PTPRD: variants seen among roughly 807,000 people sequenced by gnomAD.
PTPRD encodes the protein protein tyrosine phosphatase receptor type D.
A neutral mutation model predicts 214.5 loss-of-function variants in PTPRD; 34 were observed. That is an observed-to-expected ratio of 0.16 (90% CI 0.12 to 0.21). PTPRD has a LOEUF of 0.21. Among genes scored for constraint, PTPRD ranks in the 10% least tolerant of loss-of-function variants. PTPRD has a pLI of 1.00. For synonymous variants in PTPRD, 1,128 were observed against 845.7 expected (o/e 1.33, Z -5.79); for missense variants, 2,545 against 2,398.7 (o/e 1.06, Z -1.27).
intron 11 of PTPRD, among the ~76,000 whole-genome samples, chr9:8,804,298 A>T (rs1452443710): frequency 6.6e-6 from 1 of 151,888 alleles, no homozygotes; most frequent in Non-Finnish European, 1.5e-5. Context: ...TTTAAAACAA[A>T]CTATCCTTAT....
At chr9:10,154,441 T>G (rs1013179759) in intron 3 of PTPRD, among the ~76,000 whole-genome samples, 9 of 152,192 alleles carry the variant, frequency 5.9e-5, no homozygotes, top group African/African-American at 2.2e-4. Flanking sequence ...TAGTTTCTTT[T>G]GTTGTGCAGA....
intron 11 of PTPRD, among the ~76,000 whole-genome samples, chr9:8,775,752 G>A (rs895126075): frequency 6.6e-6 from 1 of 151,954 alleles, no homozygotes; most frequent in Non-Finnish European, 1.5e-5. Context: ...GGGAGGCCAA[G>A]GCAGGAGGAT....
chr9:8,831,606 A>C (rs1430655153), intron 11 of PTPRD, among the ~76,000 whole-genome samples: 1 of 152,186 alleles, frequency 6.6e-6, no homozygotes, highest in Non-Finnish European at 1.5e-5. Context: ...CTTTCCTACA[A>C]ATGTATAATA....
chr9:8,437,093 G>C (rs2095381882), intron 34 of PTPRD: 1 of 787,134 alleles, frequency 1.3e-6, no homozygotes, highest in Non-Finnish European at 2.0e-6. Context: ...ATTAAATGGT[G>C]TAAAGTGAAA....
At chr9:10,497,436 G>A (rs1027162541) in intron 2 of PTPRD, among the ~76,000 whole-genome samples, 2 of 151,900 alleles carry the variant, frequency 1.3e-5, no homozygotes, top group African/African-American at 4.8e-5. Flanking sequence ...TTAATACATT[G>A]TTTGGTACAC....
intron 8 of PTPRD, among the ~76,000 whole-genome samples, chr9:9,460,866 T>C (rs2093593957): frequency 1.3e-5 from 2 of 152,122 alleles, no homozygotes; most frequent in Non-Finnish European, 2.9e-5. Context: ...AAATGATACC[T>C]GCACTCTTAC....
intron 5 of PTPRD, among the ~76,000 whole-genome samples, chr9:9,886,660 GGACTTCA>G (rs2071049810): frequency 6.6e-6 from 1 of 152,138 alleles, no homozygotes; most frequent in Admixed American, 6.6e-5. Context: ...GGCAGGAATG[GGACTTCA>G]TTGTACTACA....
chr9:8,991,124 C>T (rs548408246), intron 11 of PTPRD, among the ~76,000 whole-genome samples: 2 of 150,456 alleles, frequency 1.3e-5, no homozygotes, highest in East Asian at 2.0e-4. Flanking sequence ...GAGGCTGAGG[C>T]AGGAGAATCA....
In PTPRD at chr9:10,558,377, T is replaced by C. The variant is rs368348524; in HGVS notation, c.-600+54021A>G. 8.5e-4 allele frequency among the ~76,000 whole-genome samples: 130 copies of C among 152,268 alleles called. 2 individuals carry two copies. Among genetic ancestry groups the C allele is most frequent in the African/African-American group, 3.1e-3 (127 of 41,546 alleles). On this transcript the variant is annotated intron_variant, in intron 2 of 45. Transcript: ENST00000381196. ...AAAAGTTTCAGAGTCCTGGTAAAAG[T>C]AATTTGACTTTAAGATTCTTGATAA...
intron 6 of PTPRD, among the ~76,000 whole-genome samples, chr9:9,750,463 A>C (rs189627440): frequency 6.6e-6 from 1 of 152,186 alleles, no homozygotes; most frequent in East Asian, 1.9e-4. Flanking sequence ...CATGATCCAA[A>C]ACTTCTCCTC....
At chr9:8,366,173 T>C (rs2079823870) in intron 39 of PTPRD, among the ~76,000 whole-genome samples, 1 of 152,196 alleles carries the variant, frequency 6.6e-6, no homozygotes, top group South Asian at 2.1e-4. Context: ...ATTCTCATCA[T>C]CCTCTCCCTT....
At chr9:10,252,046 G>C (rs953250933) in intron 3 of PTPRD, among the ~76,000 whole-genome samples, 1 of 152,050 alleles carries the variant, frequency 6.6e-6, no homozygotes, top group African/African-American at 2.4e-5. Flanking sequence ...AGCCTGATTT[G>C]CTCATTCTAC....
In PTPRD at chr9:10,568,292, G is replaced by A. The variant is rs532140966; in HGVS notation, c.-600+44106C>T. The stretch of plus-strand genomic sequence containing the variant: ...TCATCCATGTCCCTGCAAAGGACAC[G>A]AACTCATCATTTTTTATGGCTGCAT... On this transcript the variant is annotated intron_variant, in intron 2 of 45. Coordinates refer to ENST00000381196, the MANE Select transcript of PTPRD (RefSeq NM_002839.4). 3.9e-4 allele frequency among the ~76,000 whole-genome samples: 59 copies of A among 152,082 alleles called. 1 individual carries two copies. The highest frequency in any genetic ancestry group is 1.6e-4 in the Non-Finnish European group (11 of 67,986).
At chr9:8,397,022 G>A (rs911488234) in intron 36 of PTPRD, among the ~76,000 whole-genome samples, 1 of 152,120 alleles carries the variant, frequency 6.6e-6, no homozygotes, top group African/African-American at 2.4e-5. Context: ...AACTGAAAAT[G>A]CTGCAGAAAC....
intron 14 of PTPRD, among the ~76,000 whole-genome samples, chr9:8,629,871 T>A (rs2096192718): frequency 6.6e-6 from 1 of 151,792 alleles, no homozygotes; most frequent in African/African-American, 2.4e-5. Context: ...ACATTCAGCC[T>A]GAGCTTGTGG....
At chr9:8,354,694 G>A (rs1349611924) in intron 39 of PTPRD, among the ~76,000 whole-genome samples, 1 of 152,158 alleles carries the variant, frequency 6.6e-6, no homozygotes, top group Non-Finnish European at 1.5e-5. Context: ...AAGATCACGT[G>A]GCTGTCACTA....
intron 4 of PTPRD, among the ~76,000 whole-genome samples, chr9:9,946,694 GGGAAC>G (rs2092609502): frequency 6.6e-6 from 1 of 152,020 alleles, no homozygotes; most frequent in African/African-American, 2.4e-5. Context: ...AGGAAAAACT[GGGAAC>G]TATCTCGCAC....
intron 3 of PTPRD, among the ~76,000 whole-genome samples, chr9:10,161,380 C>A (rs2099126334): frequency 6.6e-6 from 1 of 151,688 alleles, no homozygotes; most frequent in Admixed American, 6.6e-5. Flanking sequence ...AGAGAGAACT[C>A]AGATATAAAC....
At chr9:10,333,968 A>C (rs1277169876) in intron 3 of PTPRD, among the ~76,000 whole-genome samples, 1 of 151,830 alleles carries the variant, frequency 6.6e-6, no homozygotes, top group East Asian at 1.9e-4. Flanking sequence ...ATAACATTAA[A>C]GTTGACCCAA....
Sources: allele counts gnomAD v4.1 joint callset (sites outside exome capture counted in the v4.1 genomes callset), GRCh38; gene constraint gnomAD v4.1.1; transcripts MANE v1.5; gene names NCBI Gene and HGNC (gene_info 2026-07-23, HGNC 2026-07-21).